PTPRD: variants seen among roughly 807,000 people sequenced by gnomAD.
PTPRD encodes the protein protein tyrosine phosphatase receptor type D.
Under a neutral mutation model 214.5 loss-of-function variants are expected in PTPRD, and 34 were observed. The ratio of observed to expected loss-of-function variants is 0.16; its 90% CI spans 0.12 to 0.21. The LOEUF (loss-of-function observed/expected upper bound fraction) is 0.21. PTPRD is among the 10% of genes least tolerant of loss of function. The pLI is 1.00. For missense variants in PTPRD, 2,545 were observed against 2,398.7 expected, an observed-to-expected ratio of 1.06 and a Z score of -1.27; for synonymous variants, 1,128 against 845.7, an observed-to-expected ratio of 1.33 and a Z score of -5.79.
At chr9:8,682,938 C>A (rs2097577986) in intron 12 of PTPRD, among the ~76,000 whole-genome samples, 1 of 152,134 alleles carries the variant, frequency 6.6e-6, no homozygotes, top group African/African-American at 2.4e-5. Flanking sequence ...TTGTTTCAAG[C>A]ATTCAAGACT....
At chr9:8,847,210 G>A (rs752762616) in intron 11 of PTPRD, among the ~76,000 whole-genome samples, 9 of 151,762 alleles carry the variant, frequency 5.9e-5, no homozygotes, top group African/African-American at 1.4e-4. Context: ...AATTCAGGTC[G>A]AGTCTGTTAA....
intron 2 of PTPRD, among the ~76,000 whole-genome samples, chr9:10,587,158 CACAA>C (rs2074138294): frequency 6.6e-6 from 1 of 151,986 alleles, no homozygotes; most frequent in Non-Finnish European, 1.5e-5. Context: ...ACAGGTAATA[CACAA>C]ACAAGTCAAA....
intron 11 of PTPRD, among the ~76,000 whole-genome samples, chr9:8,735,949 A>C (rs540121735): frequency 6.6e-6 from 1 of 152,114 alleles, no homozygotes; most frequent in Non-Finnish European, 1.5e-5. Context: ...ACTTTAAAAA[A>C]AAATAGGTCA....
intron 3 of PTPRD, among the ~76,000 whole-genome samples, chr9:10,051,482 G>A (rs2097534012): frequency 6.6e-6 from 1 of 151,296 alleles, no homozygotes; most frequent in Admixed American, 6.6e-5. Context: ...TAAGTTTTAG[G>A]GTTCATGTGC....
At chr9:8,614,434 G>A (rs886356978) in intron 14 of PTPRD, among the ~76,000 whole-genome samples, 7 of 152,130 alleles carry the variant, frequency 4.6e-5, no homozygotes, top group African/African-American at 1.7e-4. Flanking sequence ...CTCCCTGCCT[G>A]TATTCAGTTT....
At chr9:9,751,054 C>G (rs1029273115) in intron 6 of PTPRD, among the ~76,000 whole-genome samples, 3 of 152,130 alleles carry the variant, frequency 2.0e-5, no homozygotes, top group Admixed American at 2.0e-4. Context: ...CGTGGCCTCT[C>G]CTGCCACAGC....
At chr9:8,397,218 C>T (rs762073400) in intron 36 of PTPRD, among the ~76,000 whole-genome samples, 16 of 151,816 alleles carry the variant, frequency 1.1e-4, no homozygotes, top group Non-Finnish European at 2.1e-4. Flanking sequence ...ACATGAGGTG[C>T]CAACAAACTA....
In PTPRD at chr9:9,537,203, C is replaced by A. The variant is rs2076703021; in HGVS notation, c.-237+37529G>T. Among the ~76,000 whole-genome samples the A allele has an allele frequency of 2.0e-5, 3 of 151,850 alleles. No individual in the cohort carries two copies. The South Asian group carries it at 6.2e-4, about 31-fold the overall frequency. On this transcript the variant is annotated intron_variant, in intron 8 of 45. Coordinates refer to ENST00000381196, the MANE Select transcript of PTPRD (RefSeq NM_002839.4). ...TTACCTGTGCTATTTCATGAAATTC[C>A]TACCAAGGTGTATGATATAAATAAG...
chr9:10,160,749 C>A (rs2099122775), intron 3 of PTPRD, among the ~76,000 whole-genome samples: 1 of 151,772 alleles, frequency 6.6e-6, no homozygotes, highest in African/African-American at 2.4e-5. Flanking sequence ...GAGAAAGAAA[C>A]AAAGGGCATC....
At chr9:9,743,250 C>T (rs2098422696) in intron 6 of PTPRD, among the ~76,000 whole-genome samples, 1 of 151,972 alleles carries the variant, frequency 6.6e-6, no homozygotes, top group Admixed American at 6.6e-5. Flanking sequence ...ATTTCAGATC[C>T]TTTGGAGGGA....
chr9:10,067,748 T>A (rs2097911567), intron 3 of PTPRD, among the ~76,000 whole-genome samples: 1 of 151,854 alleles, frequency 6.6e-6, no homozygotes, highest in African/African-American at 2.4e-5. Context: ...CTTTTTCCAT[T>A]ATTCATTACT....
intron 2 of PTPRD, among the ~76,000 whole-genome samples, chr9:10,449,385 G>A (rs1347522464): frequency 6.6e-6 from 1 of 151,814 alleles, no homozygotes; most frequent in Non-Finnish European, 1.5e-5. Flanking sequence ...ATCTCCGCTC[G>A]CTACAACCTC....
At chr9:8,435,509 T>C (rs1187056701) in intron 35 of PTPRD, among the ~76,000 whole-genome samples, 2 of 152,188 alleles carry the variant, frequency 1.3e-5, no homozygotes, top group Non-Finnish European at 2.9e-5. Context: ...AATAACCTTT[T>C]ATTATTTGGT....
At chr9:9,396,779 A>G (rs923923530) in intron 9 of PTPRD, among the ~76,000 whole-genome samples, 4 of 152,132 alleles carry the variant, frequency 2.6e-5, no homozygotes, top group South Asian at 2.1e-4. Context: ...CAAGAAGTAA[A>G]ATGAGTAACA....
At chr9:8,848,313 C>CTCTTTTTT (rs1338928285) in intron 11 of PTPRD, among the ~76,000 whole-genome samples, 10 of 132,668 alleles carry the variant, frequency 7.5e-5, no homozygotes, top group African/African-American at 2.2e-4. Context: ...AAGATTTTTC[C>CTCTTTTTT]TTTTTTTTTT....
At chr9:9,958,451 A>T (rs2154019493) in intron 4 of PTPRD, among the ~76,000 whole-genome samples, 2 of 152,278 alleles carry the variant, frequency 1.3e-5, no homozygotes, top group South Asian at 4.1e-4. Context: ...GAATTGCTTG[A>T]ACCCAGGAGG....
intron 34 of PTPRD, among the ~76,000 whole-genome samples, chr9:8,439,674 T>C (rs1247399861): frequency 2.0e-5 from 3 of 152,108 alleles, no homozygotes; most frequent in Non-Finnish European, 4.4e-5. Context: ...CAGAAAACAA[T>C]GACCAAGGAT....
At chr9:9,034,903 T>C (rs2099616668) in intron 10 of PTPRD, among the ~76,000 whole-genome samples, 1 of 152,170 alleles carries the variant, frequency 6.6e-6, no homozygotes, top group Non-Finnish European at 1.5e-5. Flanking sequence ...GGTGCCTTTC[T>C]CTGAACCAAT....
At position 8,936,206 on chromosome 9, in the gene PTPRD, T is replaced by A. The variant is rs189889085; in HGVS notation, c.-104+82491A>T. ...TAAGTGGATCGCTTGAGCTCAGGGG[T>A]TTGAGACCAGCCTGGGCAACGTAGG... On this transcript the variant is annotated intron_variant, in intron 11 of 45. Coordinates refer to ENST00000381196, the MANE Select transcript of PTPRD (RefSeq NM_002839.4). 2.6e-5 allele frequency: 4 copies of A among 151,460 alleles called. No homozygotes were observed. In the East Asian group the frequency reaches 7.8e-4, roughly 30 times the overall value. The allele number at this position is 151,460 out of a possible 1,614,324, so 9.4% of individuals were successfully genotyped here. A position where few individuals can be genotyped will look rare whatever the true frequency, so the allele number is the denominator to read the frequency against.
Sources: allele counts gnomAD v4.1 joint callset (sites outside exome capture counted in the v4.1 genomes callset), GRCh38; gene constraint gnomAD v4.1.1; transcripts MANE v1.5; gene names NCBI Gene and HGNC (gene_info 2026-07-23, HGNC 2026-07-21).